The following CHMP4B variants were observed in gnomAD, a reference collection of about 807,000 sequenced individuals.
CHMP4B encodes the protein charged multivesicular body protein 4B, also known as SNF7 homolog associated with Alix 1.
Under a neutral mutation model 25.1 loss-of-function variants are expected in CHMP4B, and 1 was observed. That is an observed-to-expected ratio of 0.04 (90% CI 0.01 to 0.19). CHMP4B has a LOEUF of 0.19. CHMP4B is among the 10% of genes least tolerant of loss of function. The pLI is 1.00. For missense variants in CHMP4B, 151 were observed against 289.7 expected (o/e 0.52, Z 3.48); for synonymous variants, 101 against 115.6 (o/e 0.87, Z 0.81).
chr20:33,853,905 A>G lies in CHMP4B; in HGVS notation c.*345A>G. On this transcript the variant is annotated 3_prime_UTR_variant, in exon 5 of 5. Transcript: ENST00000217402. ...AAAGGGTCGACTGGTTGCAGTTGAA[A>G]TGACCTGAAATGTAGCCTCTGTCCT... 1 of 393,880 alleles carries G rather than the reference A, an allele frequency of 2.5e-6. No individual in the cohort carries two copies. 24.4% of individuals were successfully genotyped at this position (393,880 alleles called of 1,614,324 possible).
intron 1 of CHMP4B, among the ~76,000 whole-genome samples, chr20:33,815,653 A>G (rs6119406): frequency 0.026 from 3,996 of 152,330 alleles, 81 homozygotes; most frequent in African/African-American, 0.057. Context: ...CTGTGTCCCC[A>G]CCACCTAGCA....
chr20:33,829,563 G>T (rs1343329881), intron 1 of CHMP4B, among the ~76,000 whole-genome samples: 1 of 152,186 alleles, frequency 6.6e-6, no homozygotes, highest in Non-Finnish European at 1.5e-5. Context: ...GCCCTCTTTG[G>T]TTGAGTAATT....
At chr20:33,814,943 C>T (rs1043835727) in intron 1 of CHMP4B, among the ~76,000 whole-genome samples, 1 of 152,142 alleles carries the variant, frequency 6.6e-6, no homozygotes, top group Non-Finnish European at 1.5e-5. Context: ...TGTGCTCAGC[C>T]CTTGGCTGGC....
intron 1 of CHMP4B, among the ~76,000 whole-genome samples, chr20:33,844,511 T>G (rs1979627232): frequency 6.6e-6 from 1 of 152,142 alleles, no homozygotes; most frequent in South Asian, 2.1e-4. Context: ...GATCATTTAT[T>G]TGGGGGATTT....
chr20:33,811,366 A>AGGGAGCGGCGGGACT lies in CHMP4B; in HGVS notation c.-94_-80dup, dbSNP rs1978597620. Reference sequence around the variant, plus strand: ...AGGCGGAGGAGAGGCCTGCGGCGGCAGGGAGCGGCGGGACTGGGAGCGGGC... The same window carrying AGGGAGCGGCGGGACT: ...AGGCGGAGGAGAGGCCTGCGGCGGCAGGGAGCGGCGGGACTGGGAGCGGCGGGACTGGGAGCGGGC... On this transcript the variant is annotated 5_prime_UTR_variant, in exon 1 of 5. Coordinates refer to ENST00000217402, the MANE Select transcript of CHMP4B (RefSeq NM_176812.5). The AGGGAGCGGCGGGACT allele has an allele frequency of 5.0e-6, 5 of 1,000,906 alleles. No homozygotes were observed. The highest frequency in any genetic ancestry group is 4.6e-5 in the Admixed American group (1 of 21,934). The allele number at this position is 1,000,906 out of a possible 1,614,324, so 62.0% of individuals were successfully genotyped here. A position where few individuals can be genotyped will look rare whatever the true frequency, so the allele number is the denominator to read the frequency against.
chr20:33,850,176 T>C (rs1478726833), intron 2 of CHMP4B, among the ~76,000 whole-genome samples: 1 of 152,238 alleles, frequency 6.6e-6, no homozygotes, highest in Non-Finnish European at 1.5e-5. Flanking sequence ...CAACAGAGAC[T>C]GTCTGGCCAT....
rs1979942282 is a variant in CHMP4B, at chr20:33,854,184, C to G, written c.*624C>G. The stretch of plus-strand genomic sequence containing the variant: ...ACATTGATTTGAAATGGATGGTGTT[C>G]TCTTGAGAGCAAGTGAGATTGTTAG... On this transcript the variant is annotated 3_prime_UTR_variant, in exon 5 of 5. Transcript: ENST00000217402. The G allele has an allele frequency of 6.4e-6, 1 of 155,778 alleles. No homozygotes were observed. Among genetic ancestry groups the G allele is most frequent in the Non-Finnish European group, 1.4e-5 (1 of 70,010 alleles). The allele number at this position is 155,778 out of a possible 1,614,324, so 9.6% of individuals were successfully genotyped here.
Position 33,851,069 on chromosome 20 carries a change from G to T in CHMP4B, c.483+3G>T. 1 of 1,570,078 alleles carries T rather than the reference G, an allele frequency of 6.4e-7. No individual in the cohort carries two copies. Among genetic ancestry groups the T allele is most frequent in the Non-Finnish European group, 8.8e-7 (1 of 1,139,844 alleles). The stretch of plus-strand genomic sequence containing the variant: ...GGTTTGGAGAAGAGTTTGACGAGGT[G>T]AGTAGTTTTGTACAGATCCCATAAG... On this transcript the variant is annotated splice_donor_region_variant and intron_variant, in intron 3 of 4. Transcript: ENST00000217402.
At position 33,824,232 on chromosome 20, in the gene CHMP4B, G is replaced by T. The variant is rs368848709; in HGVS notation, c.190+12574G>T. Reference sequence around the variant, plus strand: ...CCTTTTTTTAGAGGAAGAAACTAAGGCTCAAAACAATTAAATTGTGAACCT... The same window carrying T: ...CCTTTTTTTAGAGGAAGAAACTAAGTCTCAAAACAATTAAATTGTGAACCT... On this transcript the variant is annotated intron_variant, in intron 1 of 4. Transcript: ENST00000217402. Among the ~76,000 whole-genome samples, 13 of 152,194 alleles carry T rather than the reference G, an allele frequency of 8.5e-5. 1 individual carries two copies. In the South Asian group the frequency reaches 2.5e-3, roughly 29 times the overall value.
chr20:33,818,445 C>A (rs1165952379), intron 1 of CHMP4B, among the ~76,000 whole-genome samples: 1 of 152,262 alleles, frequency 6.6e-6, no homozygotes, highest in African/African-American at 2.4e-5. Context: ...TTGAACCCCT[C>A]TGTTGACAGG....
intron 1 of CHMP4B, among the ~76,000 whole-genome samples, chr20:33,812,316 C>G (rs1016850446): frequency 1.6e-4 from 24 of 152,170 alleles, no homozygotes; most frequent in African/African-American, 5.8e-4. Flanking sequence ...TGTTTTCCAG[C>G]GTTGTGATTC....
intron 1 of CHMP4B, among the ~76,000 whole-genome samples, chr20:33,845,959 T>C (rs557571600): frequency 5.1e-4 from 77 of 152,270 alleles, no homozygotes; most frequent in African/African-American, 1.8e-3. Flanking sequence ...AATTCTAACG[T>C]CTTGCCTCTG....
At chr20:33,820,272 G>T in intron 1 of CHMP4B, among the ~76,000 whole-genome samples, 2 of 152,296 alleles carry the variant, frequency 1.3e-5, no homozygotes, top group Middle Eastern at 6.8e-3. Flanking sequence ...TCCTCAGGTG[G>T]TTTGTATGCC....
intron 1 of CHMP4B, among the ~76,000 whole-genome samples, chr20:33,842,666 G>A (rs772802109): frequency 6.6e-6 from 1 of 152,180 alleles, no homozygotes; most frequent in South Asian, 2.1e-4. Flanking sequence ...TCAGGAGTGT[G>A]TTCATTTGCT....
At position 33,844,994 on chromosome 20, in the gene CHMP4B, T is replaced by C. The variant is rs1020094659; in HGVS notation, c.191-3473T>C. 5.3e-5 allele frequency among the ~76,000 whole-genome samples: 8 copies of C among 152,222 alleles called. No individual in the cohort carries two copies. The East Asian group carries it at 5.8e-4, about 11-fold the overall frequency. ...CAGGATGGTCTTGATCTCCTGACTT[T>C]GTAATCCACCCGCCTTGGCCCCCCA... On this transcript the variant is annotated intron_variant, in intron 1 of 4. Coordinates refer to ENST00000217402, the MANE Select transcript of CHMP4B (RefSeq NM_176812.5).
intron 1 of CHMP4B, among the ~76,000 whole-genome samples, chr20:33,822,880 C>T (rs575260793): frequency 1.3e-3 from 191 of 152,104 alleles, no homozygotes; most frequent in African/African-American, 4.1e-3. Flanking sequence ...CTGCAAGCTC[C>T]ACCTCCTGGG....
chr20:33,811,715 C>G lies in CHMP4B; in HGVS notation c.190+57C>G, dbSNP rs1978621835. On this transcript the variant is annotated intron_variant, in intron 1 of 4. Transcript: ENST00000217402. The stretch of plus-strand genomic sequence containing the variant: ...CGGGCTCCCCCCAGGCTCCCCGGGC[C>G]CGGACTTCACCTTCATCAGACTCGC... The G allele has an allele frequency of 5.2e-6, 8 of 1,540,730 alleles. No homozygotes were observed. In the East Asian group the frequency reaches 1.6e-4, roughly 31 times the overall value.
At position 33,814,419 on chromosome 20, in the gene CHMP4B, A is replaced by T. The variant is rs1031574681; in HGVS notation, c.190+2761A>T. ...TAACAGTGCAGAAACATGAGTGTGT[A>T]CATGGGCTGAGGCTGCAGAGGAGGC... On this transcript the variant is annotated intron_variant, in intron 1 of 4. Coordinates refer to ENST00000217402, the MANE Select transcript of CHMP4B (RefSeq NM_176812.5). Among the ~76,000 whole-genome samples, 3 of 152,182 alleles carry T rather than the reference A, an allele frequency of 2.0e-5. No individual in the cohort carries two copies. In the East Asian group the frequency reaches 5.8e-4, roughly 29 times the overall value.
chr20:33,811,431 G>A lies in CHMP4B; in HGVS notation c.-38G>A, dbSNP rs780936886. 3 of 1,459,984 alleles carry A rather than the reference G, an allele frequency of 2.1e-6. No homozygotes were observed. In the East Asian group the frequency reaches 7.7e-5, roughly 38 times the overall value. The allele number at this position is 1,459,984 out of a possible 1,614,324, so 90.4% of individuals were successfully genotyped here. On this transcript the variant is annotated 5_prime_UTR_variant, in exon 1 of 5. Coordinates refer to ENST00000217402, the MANE Select transcript of CHMP4B (RefSeq NM_176812.5). ...GAGCCGAGCCGAGCCGAGCCGAGCC[G>A]GAGCGGGCGGCGAAGGCCGGCGCGG...
Sources: allele counts gnomAD v4.1 joint callset (sites outside exome capture counted in the v4.1 genomes callset), GRCh38; gene constraint gnomAD v4.1.1; transcripts MANE v1.5; gene names NCBI Gene and HGNC (gene_info 2026-07-23, HGNC 2026-07-21).